The following SERPINE2 variants were observed in gnomAD, a reference collection of about 807,000 sequenced individuals.
SERPINE2 encodes the protein serpin family E member 2.
In SERPINE2, 14 loss-of-function variants were observed where a neutral mutation model predicts 36.3. The observed-to-expected ratio is 0.39, with a 90% confidence interval of 0.25 to 0.60. The LOEUF is 0.60. Ranked by LOEUF, SERPINE2 falls within the 20% of genes least tolerant of loss-of-function variation. The pLI, the probability that SERPINE2 is intolerant of heterozygous loss-of-function variation, is 0.57. For synonymous variants in SERPINE2, 192 were observed against 191.8 expected (o/e 1.00, Z -0.01); for missense variants, 418 against 499.6 (o/e 0.84, Z 1.56).
intron 1 of SERPINE2, among the ~76,000 whole-genome samples, chr2:224,028,891 G>A (rs1171008879): frequency 6.6e-6 from 1 of 152,174 alleles, no homozygotes; most frequent in Non-Finnish European, 1.5e-5. Context: ...ACAAGGTAGA[G>A]AGCAGTACAC....
intron 6 of SERPINE2, chr2:223,980,657 A>G (rs1233091055): frequency 2.8e-6 from 1 of 355,094 alleles, no homozygotes; most frequent in African/African-American, 2.1e-5. Flanking sequence ...TATCAATTCA[A>G]TTCTGATCAC....
intron 2 of SERPINE2, among the ~76,000 whole-genome samples, chr2:224,001,366 C>T (rs1331791303): frequency 1.3e-5 from 2 of 152,322 alleles, no homozygotes; most frequent in Non-Finnish European, 1.5e-5. Flanking sequence ...GTGTCCCCCT[C>T]GCTGGAACGA....
intron 4 of SERPINE2, among the ~76,000 whole-genome samples, chr2:223,989,673 A>G (rs1262885254): frequency 1.3e-5 from 2 of 152,226 alleles, no homozygotes; most frequent in African/African-American, 4.8e-5. Context: ...AGTCGCATCC[A>G]GTTCCAGGTT....
intron 1 of SERPINE2, among the ~76,000 whole-genome samples, chr2:224,019,888 C>T (rs191425294): frequency 6.6e-6 from 1 of 151,408 alleles, no homozygotes; most frequent in African/African-American, 2.4e-5. Context: ...GAATGTTTAG[C>T]AGTATTCCTG....
intron 5 of SERPINE2, 63 bp from the exon 6 acceptor site, chr2:223,982,844 C>A: frequency 1.7e-6 from 2 of 1,153,310 alleles, no homozygotes; most frequent in South Asian, 2.7e-5. Context: ...ATGATAGAGT[C>A]GGTGCATGTT....
At chr2:223,995,662 T>G (rs933597214) in intron 3 of SERPINE2, among the ~76,000 whole-genome samples, 2 of 152,240 alleles carry the variant, frequency 1.3e-5, no homozygotes, top group Admixed American at 1.3e-4. Context: ...TATGCTGAAT[T>G]TGCCAGGAAT....
At chr2:223,989,097 T>G (rs1247441470) in intron 4 of SERPINE2, among the ~76,000 whole-genome samples, 1 of 152,234 alleles carries the variant, frequency 6.6e-6, no homozygotes, top group East Asian at 1.9e-4. Flanking sequence ...GGAGGTATAC[T>G]GAGGATTTTG....
intron 6 of SERPINE2, 139 bp downstream of exon 6, chr2:223,982,542 A>G: frequency 1.6e-5 from 8 of 489,716 alleles, no homozygotes; most frequent in Non-Finnish European, 2.9e-5. Flanking sequence ...CAATAGCATA[A>G]TTTGGCAATG....
At position 224,012,447 on chromosome 2, in the gene SERPINE2, G is replaced by A. The variant is rs150509795; in HGVS notation, c.-22-10525C>T. On this transcript the variant is annotated intron_variant, in intron 1 of 8. Coordinates refer to ENST00000409304, the MANE Select transcript of SERPINE2 (RefSeq NM_001136528.2). ...TTAACTATGTAAAAATTATACACAG[G>A]CACAAATTAGCCAGGTGTGGTGGCG... Among the ~76,000 whole-genome samples, 4 of 152,038 alleles carry A rather than the reference G, an allele frequency of 2.6e-5. No individual in the cohort carries two copies. The East Asian group carries it at 7.7e-4, about 29-fold the overall frequency.
intron 1 of SERPINE2, chr2:224,031,590 C>G: frequency 2.8e-6 from 2 of 720,126 alleles, no homozygotes; most frequent in Non-Finnish European, 3.4e-6. Flanking sequence ...AATCACAGGA[C>G]CTCACTCCTC....
chr2:224,024,821 A>G (rs1469002267), intron 1 of SERPINE2, among the ~76,000 whole-genome samples: 1 of 152,226 alleles, frequency 6.6e-6, no homozygotes, highest in African/African-American at 2.4e-5. Flanking sequence ...GTCAATGACA[A>G]TGGAAGTTCT....
At chr2:224,010,207 T>C (rs1691575703) in intron 1 of SERPINE2, 1 of 233,866 alleles carries the variant, frequency 4.3e-6, no homozygotes, top group Non-Finnish European at 7.0e-6. Context: ...TTAAAATGTG[T>C]TTTTCAGGTT....
At chr2:224,014,564 T>A (rs1356517785) in intron 1 of SERPINE2, among the ~76,000 whole-genome samples, 1 of 152,138 alleles carries the variant, frequency 6.6e-6, no homozygotes, top group Non-Finnish European at 1.5e-5. Context: ...TGGGAATGTG[T>A]GTTCTCTTGT....
chr2:223,984,879 T>C lies in SERPINE2; in HGVS notation c.757A>G (p.Met253Val). ...CTCTCAGTCGGCAGTGCAATCAGCA[T>C]GCTGATGCTTTCCCCGTGGTAGGGC... is the stretch of plus-strand genomic sequence containing the variant. ...ELPYHGESIS[M>V]LIALPTESST... The change falls in exon 5 of 9, where the codon ATG becomes GTG. Residue 253 changes from methionine (M) to valine (V), a missense_variant. Transcript: ENST00000409304. 1 of 1,614,186 alleles carries C rather than the reference T, an allele frequency of 6.2e-7. No individual in the cohort carries two copies.
At chr2:224,013,331 G>A (rs1246784859) in intron 1 of SERPINE2, among the ~76,000 whole-genome samples, 2 of 152,142 alleles carry the variant, frequency 1.3e-5, no homozygotes, top group Admixed American at 1.3e-4. Flanking sequence ...CTCTCCTTGT[G>A]AGAAAAAGAG....
intron 1 of SERPINE2, among the ~76,000 whole-genome samples, chr2:224,019,805 T>A (rs1185130573): frequency 6.7e-6 from 1 of 148,656 alleles, no homozygotes; most frequent in Non-Finnish European, 1.5e-5. Flanking sequence ...AGAGCAAAGT[T>A]TCACAACCTT....
intron 1 of SERPINE2, among the ~76,000 whole-genome samples, chr2:224,028,907 C>T (rs115088121): frequency 0.013 from 2,027 of 152,318 alleles, 37 homozygotes; most frequent in African/African-American, 0.046. Flanking sequence ...TACACAAGCA[C>T]AATTTTGCCA....
chr2:224,012,839 G>T (rs548110230), intron 1 of SERPINE2, among the ~76,000 whole-genome samples: 1 of 152,194 alleles, frequency 6.6e-6, no homozygotes, highest in South Asian at 2.1e-4. Flanking sequence ...GAGCAGAGAA[G>T]GTTATGGAGC....
At position 224,031,454 on chromosome 2, in the gene SERPINE2, C is replaced by T. The variant is rs549272275; in HGVS notation, c.-23+7645G>A. 1.1e-5 allele frequency: 11 copies of T among 985,676 alleles called. No homozygotes were observed. The South Asian group carries it at 2.3e-4, about 21-fold the overall frequency. The allele number at this position is 985,676 out of a possible 1,614,324, so 61.1% of individuals were successfully genotyped here. A position where few individuals can be genotyped will look rare whatever the true frequency, so the allele number is the denominator to read the frequency against. ...ACGCCAGGCAGCACGGTCCTCTCCA[C>T]TCCCTTTCCTCCTAACCAAGGATTG... On this transcript the variant is annotated intron_variant, in intron 1 of 8. Transcript: ENST00000409304.
Sources: allele counts gnomAD v4.1 joint callset (sites outside exome capture counted in the v4.1 genomes callset), GRCh38; gene constraint gnomAD v4.1.1; transcripts MANE v1.5; gene names NCBI Gene and HGNC (gene_info 2026-07-23, HGNC 2026-07-21).